The following ARHGAP26 variants were observed in gnomAD, a reference collection of about 807,000 sequenced individuals.
The protein encoded by ARHGAP26 is Rho GTPase activating protein 26, also known as rho GTPase-activating protein 26.
In ARHGAP26, 38 loss-of-function variants were observed where a neutral mutation model predicts 104.8. The ratio of observed to expected loss-of-function variants is 0.36; its 90% CI spans 0.28 to 0.48. The LOEUF is 0.48. Ranked by LOEUF, ARHGAP26 falls within the 20% of genes least tolerant of loss-of-function variation. The pLI is 0.99. For missense variants in ARHGAP26, 704 were observed against 947.9 expected (o/e 0.74, Z 3.38); for synonymous variants, 341 against 340.0 (o/e 1.00, Z -0.03).
At chr5:143,160,474 G>GTTTTTT (rs201337868) in intron 20 of ARHGAP26, among the ~76,000 whole-genome samples, 1 of 95,406 alleles carries the variant, frequency 1.0e-5, no homozygotes. Flanking sequence ...TGCTTTTGGT[G>GTTTTTT]GTTTTTTTTT....
chr5:143,164,282 C>T (rs1801652065), intron 20 of ARHGAP26, among the ~76,000 whole-genome samples: 2 of 152,156 alleles, frequency 1.3e-5, no homozygotes, highest in Non-Finnish European at 2.9e-5. Context: ...AGAGACTGTG[C>T]CTTGCCATGG....
intron 1 of ARHGAP26, among the ~76,000 whole-genome samples, chr5:142,785,181 C>T (rs894389031): frequency 8.6e-5 from 13 of 151,734 alleles, no homozygotes; most frequent in African/African-American, 1.9e-4. Context: ...CCGCCCACCT[C>T]GGCCTCCCAA....
At chr5:142,978,186 G>T (rs1773406351) in intron 11 of ARHGAP26, among the ~76,000 whole-genome samples, 1 of 152,190 alleles carries the variant, frequency 6.6e-6, no homozygotes, top group Non-Finnish European at 1.5e-5. Context: ...TATTCAGAGG[G>T]GCTTAGGGTT....
intron 11 of ARHGAP26, among the ~76,000 whole-genome samples, chr5:142,964,241 T>C (rs182688759): frequency 1.3e-5 from 2 of 152,318 alleles, no homozygotes; most frequent in Admixed American, 6.5e-5. Flanking sequence ...GAAATGTAAG[T>C]AGGCTTAATG....
chr5:142,961,920 C>T (rs1242751153), intron 11 of ARHGAP26, among the ~76,000 whole-genome samples: 2 of 152,094 alleles, frequency 1.3e-5, no homozygotes, highest in African/African-American at 4.8e-5. Flanking sequence ...ATCTGTTAGA[C>T]AAAAATGACG....
chr5:143,080,879 A>AG (rs1789707304), intron 17 of ARHGAP26, among the ~76,000 whole-genome samples: 1 of 152,148 alleles, frequency 6.6e-6, no homozygotes, highest in South Asian at 2.1e-4. Flanking sequence ...CTGAAGCAGT[A>AG]GTGCAGATGA....
intron 11 of ARHGAP26, among the ~76,000 whole-genome samples, chr5:143,012,537 TTATATACATACATACATATATATATA>T (rs1328869192): frequency 1.7e-4 from 3 of 17,658 alleles, no homozygotes; most frequent in African/African-American, 3.6e-4. Flanking sequence ...AGGGATATAT[TTATATACATACATACATATATATATA>T]TATATATATA....
chr5:143,212,589 C>T (rs1344479168), intron 21 of ARHGAP26, among the ~76,000 whole-genome samples: 2 of 152,148 alleles, frequency 1.3e-5, no homozygotes, highest in Admixed American at 6.5e-5. Flanking sequence ...TTCATTTTCC[C>T]CCACTTTCCC....
intron 11 of ARHGAP26, among the ~76,000 whole-genome samples, chr5:142,943,101 A>G (rs1038440966): frequency 1.3e-5 from 2 of 152,154 alleles, no homozygotes; most frequent in Non-Finnish European, 2.9e-5. Context: ...TCTTGAAGTG[A>G]TAGGAACACG....
In ARHGAP26 at chr5:143,028,165, G is replaced by GGATGAT. The variant is rs147935644; in HGVS notation, c.1145-9009_1145-9004dup. On this transcript the variant is annotated intron_variant, in intron 12 of 22. Transcript: ENST00000645722. The stretch of plus-strand genomic sequence containing the variant: ...CGTAGGTTTCCTATCTACAAAATAC[G>GGATGAT]GATGATGATGATGATGATGATGATG... Among the ~76,000 whole-genome samples, 51 of 151,890 alleles carry GGATGAT rather than the reference G, an allele frequency of 3.4e-4. 1 individual carries two copies. In the East Asian group the frequency reaches 6.6e-3, roughly 20 times the overall value.
intron 1 of ARHGAP26, among the ~76,000 whole-genome samples, chr5:142,774,855 CT>C (rs1301849040): frequency 6.6e-6 from 1 of 152,072 alleles, no homozygotes; most frequent in Admixed American, 6.6e-5. Flanking sequence ...TGCAGATTGG[CT>C]TTTTTTCACT....
intron 19 of ARHGAP26, among the ~76,000 whole-genome samples, chr5:143,137,744 GC>G (rs1197460796): frequency 2.1e-4 from 32 of 152,232 alleles, no homozygotes; most frequent in African/African-American, 5.8e-4. Flanking sequence ...CAGTTGAAAT[GC>G]TTAGTGGGGT....
intron 11 of ARHGAP26, among the ~76,000 whole-genome samples, chr5:142,943,614 G>A (rs1766696792): frequency 6.6e-6 from 1 of 152,028 alleles, no homozygotes; most frequent in African/African-American, 2.4e-5. Context: ...AAATTTTTTG[G>A]GGGAAGGCAC....
intron 20 of ARHGAP26, among the ~76,000 whole-genome samples, chr5:143,153,398 C>T (rs764336811): frequency 5.3e-5 from 8 of 152,120 alleles, no homozygotes; most frequent in Non-Finnish European, 8.8e-5. Flanking sequence ...GGATGAGGGT[C>T]GTTCAATGGG....
chr5:143,029,660 C>T (rs1213635023), intron 12 of ARHGAP26, among the ~76,000 whole-genome samples: 2 of 152,094 alleles, frequency 1.3e-5, no homozygotes, highest in Non-Finnish European at 2.9e-5. Flanking sequence ...CTTCTCGCCT[C>T]ATCCTCCCAA....
chr5:142,931,041 C>G (rs1430998504), intron 10 of ARHGAP26, among the ~76,000 whole-genome samples: 1 of 152,112 alleles, frequency 6.6e-6, no homozygotes, highest in African/African-American at 2.4e-5. Context: ...GACTTTAGTT[C>G]TTGCTCAGTG....
At chr5:142,995,733 T>C (rs1776282048) in intron 11 of ARHGAP26, among the ~76,000 whole-genome samples, 1 of 152,168 alleles carries the variant, frequency 6.6e-6, no homozygotes, top group Non-Finnish European at 1.5e-5. Context: ...TGAGGCACTA[T>C]TCACAATAAC....
chr5:143,120,564 A>G (rs1796014935), intron 17 of ARHGAP26, among the ~76,000 whole-genome samples: 1 of 152,230 alleles, frequency 6.6e-6, no homozygotes, highest in African/African-American at 2.4e-5. Context: ...TTGCAAATGT[A>G]TTAAAGCCAT....
intron 1 of ARHGAP26, among the ~76,000 whole-genome samples, chr5:142,815,093 C>A (rs998567778): frequency 6.6e-6 from 1 of 152,144 alleles, no homozygotes; most frequent in African/African-American, 2.4e-5. Context: ...CTCTGCCTCC[C>A]GGGTTCAAGG....
Sources: gnomAD v4.1 joint callset for allele counts (sites outside exome capture counted in the v4.1 genomes callset) on GRCh38, gnomAD v4.1.1 for gene constraint, MANE v1.5 for transcripts, NCBI Gene and HGNC (gene_info 2026-07-23, HGNC 2026-07-21) for gene names.